PDZD2: variants seen among roughly 807,000 people sequenced by gnomAD.
PDZD2 encodes PDZ domain containing 2, also known as PDZ domain-containing protein 2.
Under a neutral mutation model 220.7 loss-of-function variants are expected in PDZD2, and 90 were observed. The observed-to-expected ratio is 0.41, with a 90% confidence interval of 0.34 to 0.49. The LOEUF (loss-of-function observed/expected upper bound fraction) is 0.49. Among genes scored for constraint, PDZD2 ranks in the 20% least tolerant of loss-of-function variants. The pLI is 0.28. For synonymous variants in PDZD2, 1,375 were observed against 1,450.5 expected (o/e 0.95, Z 1.18); for missense variants, 3,174 against 3,608.5 (o/e 0.88, Z 3.08).
chr5:32,107,656 G>GTGGAC (rs1266282986), intron 24 of PDZD2, among the ~76,000 whole-genome samples: 1 of 152,156 alleles, frequency 6.6e-6, no homozygotes, highest in Non-Finnish European at 1.5e-5. Context: ...TGTTATTCTT[G>GTGGAC]TTGACTTGTA....
Position 31,898,547 on chromosome 5 carries a change from C to G in PDZD2, c.477-84608C>G, listed in dbSNP as rs78702201. 8.2e-3 allele frequency among the ~76,000 whole-genome samples: 1,245 copies of G among 152,324 alleles called. 21 individuals carry two copies. The highest frequency in any genetic ancestry group is 0.029 in the African/African-American group (1,211 of 41,580). On this transcript the variant is annotated intron_variant, in intron 2 of 24. Transcript: ENST00000438447. ...CTTCCCACCTTCCACCCCTGATTGT[C>G]TGTAAGCTCTGGACTGGCTGTCCTT...
At position 32,108,036 on chromosome 5, in the gene PDZD2, T is replaced by A; in HGVS notation, c.8421T>A (p.Pro2807=). 16 of 1,612,192 alleles carry A rather than the reference T, an allele frequency of 9.9e-6. No homozygotes were observed. The highest frequency in any genetic ancestry group is 1.3e-5 in the Non-Finnish European group (15 of 1,178,250). Residue 2807 remains proline, a synonymous_variant, in exon 25 of 25, where the codon CCT becomes CCA. Transcript: ENST00000438447. ...GDEILAINGK[P]LVGLMHFDAW... ...AAATTCTTGCTATTAATGGGAAACC[T>A]CTGGTTGGGCTCATGCACTTTGATG...
Position 32,077,526 on chromosome 5 carries a change from C to G in PDZD2, c.3602C>G (p.Ala1201Gly). The stretch of plus-strand genomic sequence containing the variant: ...TCTACCAGCTGTGAACTAGCCAGTG[C>G]TCTGTCCCATCTGGATGCCAGCCAC... ...CVSTSCELAS[A>G]LSHLDASHLT... The change falls in exon 19 of 25, where the codon GCT becomes GGT. Residue 1201 changes from alanine to glycine, a missense_variant. Physicochemically the swap from Ala to Gly is moderately conservative, Grantham distance 60. Transcript: ENST00000438447. The G allele has an allele frequency of 6.2e-7, 1 of 1,613,994 alleles. No homozygotes were observed. Among genetic ancestry groups the G allele is most frequent in the South Asian group, 1.1e-5 (1 of 91,080 alleles).
chr5:31,983,676 T>A lies in PDZD2; in HGVS notation c.978+20T>A, dbSNP rs1750488388. The A allele has an allele frequency of 1.3e-6, 2 of 1,596,610 alleles. No homozygotes were observed. The highest frequency in any genetic ancestry group is 3.4e-5 in the Admixed American group (2 of 58,336). On this transcript the variant is annotated intron_variant, in intron 3 of 24. Transcript: ENST00000438447. ...GCACGGGTAAGGTTTGGTTTGATTA[T>A]GGAACCAGAATTTTATTTATCGTGT...
intron 2 of PDZD2, among the ~76,000 whole-genome samples, chr5:31,849,915 T>C (rs1214333771): frequency 1.3e-4 from 3 of 22,410 alleles, no homozygotes; most frequent in Non-Finnish European, 2.3e-4. Flanking sequence ...CATATATATA[T>C]ATACATATAT....
At chr5:31,879,478 G>A (rs1236109889) in intron 2 of PDZD2, among the ~76,000 whole-genome samples, 30 of 151,846 alleles carry the variant, frequency 2.0e-4, no homozygotes, top group Admixed American at 2.0e-3. Context: ...GAGAATAAAG[G>A]CTAAGATTGA....
At chr5:31,954,363 A>C (rs1447201984) in intron 2 of PDZD2, among the ~76,000 whole-genome samples, 4 of 152,212 alleles carry the variant, frequency 2.6e-5, no homozygotes, top group African/African-American at 7.2e-5. Flanking sequence ...ACAGTGATTC[A>C]TATTTAGAAA....
intron 7 of PDZD2, among the ~76,000 whole-genome samples, chr5:32,038,845 T>C (rs887783763): frequency 1.3e-5 from 2 of 152,318 alleles, no homozygotes; most frequent in East Asian, 3.9e-4. Context: ...TTAATCTCCC[T>C]GAACTTCCAC....
At chr5:32,020,795 C>T (rs1754137649) in intron 6 of PDZD2, among the ~76,000 whole-genome samples, 1 of 151,992 alleles carries the variant, frequency 6.6e-6, no homozygotes, top group Admixed American at 6.6e-5. Context: ...TAGGTGCACA[C>T]CACCATTCCT....
At chr5:31,960,304 C>T (rs988036683) in intron 2 of PDZD2, among the ~76,000 whole-genome samples, 18 of 151,982 alleles carry the variant, frequency 1.2e-4, no homozygotes, top group African/African-American at 4.1e-4. Flanking sequence ...ACAACCTCCA[C>T]CCCCCAGGTT....
chr5:31,679,769 C>T (rs528678082), intron 1 of PDZD2, among the ~76,000 whole-genome samples: 1 of 152,166 alleles, frequency 6.6e-6, no homozygotes, highest in African/African-American at 2.4e-5. Flanking sequence ...CTCAGCCTCC[C>T]AAAAGTGCTG....
intron 1 of PDZD2, among the ~76,000 whole-genome samples, chr5:31,745,084 A>G (rs1750513832): frequency 6.6e-6 from 1 of 152,114 alleles, no homozygotes; most frequent in Non-Finnish European, 1.5e-5. Flanking sequence ...AAAAAAATAA[A>G]TAAATAAATA....
intron 6 of PDZD2, among the ~76,000 whole-genome samples, chr5:32,026,556 C>T (rs566003219): frequency 1.3e-5 from 2 of 152,056 alleles, no homozygotes; most frequent in East Asian, 1.9e-4. Context: ...CGTGCACGCA[C>T]GCACACACAC....
At chr5:31,650,661 C>A (rs933129606) in intron 1 of PDZD2, among the ~76,000 whole-genome samples, 1 of 152,150 alleles carries the variant, frequency 6.6e-6, no homozygotes, top group African/African-American at 2.4e-5. Context: ...ATCTTTCTTG[C>A]AACTTGATGG....
intron 6 of PDZD2, among the ~76,000 whole-genome samples, chr5:32,012,092 T>C (rs1171861719): frequency 6.6e-6 from 1 of 152,172 alleles, no homozygotes; most frequent in African/African-American, 2.4e-5. Flanking sequence ...CTTTCCTTAC[T>C]GTATATCCTT....
intron 1 of PDZD2, among the ~76,000 whole-genome samples, chr5:31,692,253 G>A (rs1747171979): frequency 1.3e-5 from 2 of 152,192 alleles, no homozygotes. Context: ...GGGCCGGCCG[G>A]GCGAGTGCGG....
At chr5:31,672,601 C>T (rs1408197895) in intron 1 of PDZD2, among the ~76,000 whole-genome samples, 1 of 152,220 alleles carries the variant, frequency 6.6e-6, no homozygotes, top group Non-Finnish European at 1.5e-5. Context: ...GCATAAGGAT[C>T]TCTCGGGCCC....
rs10050694 is a variant in PDZD2, at chr5:31,765,998, G to A, written c.-360-32891G>A. Among the ~76,000 whole-genome samples, 1,330 of 151,002 alleles carry A rather than the reference G, an allele frequency of 8.8e-3. 15 individuals are homozygous for A. The highest frequency in any genetic ancestry group is 0.03 in the African/African-American group (1,263 of 41,434). On this transcript the variant is annotated intron_variant, in intron 1 of 24. Coordinates refer to ENST00000438447, the MANE Select transcript of PDZD2 (RefSeq NM_178140.4). ...GTTCAAGACCAGCCTGGGCAACATG[G>A]CAAAACCCTATCTCTACAAAAAATT...
At chr5:31,876,138 T>A (rs1186990302) in intron 2 of PDZD2, among the ~76,000 whole-genome samples, 1 of 152,110 alleles carries the variant, frequency 6.6e-6, no homozygotes, top group Non-Finnish European at 1.5e-5. Context: ...TTCAATAAAG[T>A]TTTATGATTT....
Sources: gnomAD v4.1 joint callset for allele counts (sites outside exome capture counted in the v4.1 genomes callset) on GRCh38, gnomAD v4.1.1 for gene constraint, MANE v1.5 for transcripts, NCBI Gene and HGNC (gene_info 2026-07-23, HGNC 2026-07-21) for gene names.